Variants in STARD13 observed in about 807,000 individuals in gnomAD.
STARD13 encodes StAR related lipid transfer domain containing 13.
In STARD13, 62 loss-of-function variants were observed where a neutral mutation model predicts 106.4. The observed-to-expected ratio is 0.58, with a 90% confidence interval of 0.48 to 0.72. The LOEUF (loss-of-function observed/expected upper bound fraction) is 0.72, where lower values mean the gene tolerates loss of function less well. Ranked by LOEUF, STARD13 falls within the 30% of genes least tolerant of loss-of-function variation. STARD13 has a pLI of 0.00. For synonymous variants in STARD13, 565 were observed against 553.0 expected (o/e 1.02, Z -0.31); for missense variants, 1,387 against 1,424.0 (o/e 0.97, Z 0.42).
the STARD13 span, among the ~76,000 whole-genome samples, chr13:33,638,198 C>A: frequency 2.6e-5 from 4 of 152,116 alleles, no homozygotes; most frequent in Non-Finnish European, 5.9e-5. Flanking sequence ...CTCAGAAGAT[C>A]CTGAGGACAT....
chr13:33,241,575 C>G lies in STARD13; in HGVS notation c.169+43895G>C, dbSNP rs1176990361. Among the ~76,000 whole-genome samples, 3 of 138,496 alleles carry G rather than the reference C, an allele frequency of 2.2e-5. No individual in the cohort carries two copies. In the East Asian group the frequency reaches 7.4e-4, roughly 34 times the overall value. 90.9% of individuals were successfully genotyped at this position (138,496 alleles called of 152,430 possible). A position where few individuals can be genotyped will look rare whatever the true frequency, so the allele number is the denominator to read the frequency against. On this transcript the variant is annotated intron_variant, in intron 1 of 13. Transcript: ENST00000336934. ...CCTCCCCCTCTCCCCTTTGCACGGT[C>G]TCCCTCTGATGCCGAGCCGAGGCTG...
the STARD13 span, among the ~76,000 whole-genome samples, chr13:33,443,145 G>A: frequency 5.3e-5 from 8 of 152,016 alleles, 1 homozygote; most frequent in Non-Finnish European, 1.0e-4. Flanking sequence ...TTGGGAGGAC[G>A]AGGCGGGCGG....
At chr13:33,674,149 C>T in the STARD13 span, among the ~76,000 whole-genome samples, 46 of 152,284 alleles carry the variant, frequency 3.0e-4, no homozygotes, top group South Asian at 1.7e-3. Flanking sequence ...CGTGAGCCAC[C>T]GCACCAGGCC....
chr13:33,397,984 A>T, the STARD13 span, among the ~76,000 whole-genome samples: 1 of 152,228 alleles, frequency 6.6e-6, no homozygotes, highest in African/African-American at 2.4e-5. Flanking sequence ...GGGGATAAGG[A>T]TTTCAGCATT....
chr13:33,163,293 AT>A (rs2138346326), intron 3 of STARD13, among the ~76,000 whole-genome samples: 1 of 152,094 alleles, frequency 6.6e-6, no homozygotes, highest in South Asian at 2.1e-4. Flanking sequence ...CATATCAATA[AT>A]GTTATACCTC....
chr13:33,454,809 G>T, the STARD13 span, among the ~76,000 whole-genome samples: 2 of 152,184 alleles, frequency 1.3e-5, no homozygotes, highest in Non-Finnish European at 1.5e-5. Flanking sequence ...GATTAGAGGA[G>T]GCCAGTGTGG....
At chr13:33,648,689 G>C in the STARD13 span, among the ~76,000 whole-genome samples, 5 of 151,280 alleles carry the variant, frequency 3.3e-5, no homozygotes. Context: ...TAATTTAAAA[G>C]AGAAGTGGCT....
chr13:33,595,667 T>G, the STARD13 span, among the ~76,000 whole-genome samples: 44 of 152,196 alleles, frequency 2.9e-4, no homozygotes, highest in Non-Finnish European at 6.0e-4. Context: ...ACCTAAAGAA[T>G]GGATTCACTC....
intron 1 of STARD13, among the ~76,000 whole-genome samples, chr13:33,237,264 T>G (rs886360484): frequency 2.0e-5 from 3 of 152,204 alleles, no homozygotes; most frequent in African/African-American, 7.2e-5. Context: ...CTTCCTTAAC[T>G]AGGAAAAATA....
At chr13:33,112,971 A>G in intron 8 of STARD13, 40 bp from the exon 9 acceptor site, 5 of 1,513,728 alleles carry the variant, frequency 3.3e-6, no homozygotes, top group African/African-American at 1.4e-5. Context: ...AGGAGCAGAC[A>G]TAGAAAGAGC....
At chr13:33,382,089 A>G in the STARD13 span, among the ~76,000 whole-genome samples, 1 of 152,250 alleles carries the variant, frequency 6.6e-6, no homozygotes, top group African/African-American at 2.4e-5. Context: ...CTACGCTGCC[A>G]TCATAAACGA....
At chr13:33,460,489 TAA>T in the STARD13 span, among the ~76,000 whole-genome samples, 23 of 137,960 alleles carry the variant, frequency 1.7e-4, no homozygotes, top group Admixed American at 1.5e-4. Context: ...GACTCCATCT[TAA>T]AAAAAAAAAA....
intron 12 of STARD13, among the ~76,000 whole-genome samples, chr13:33,107,656 A>C (rs1873954697): frequency 6.6e-6 from 1 of 152,152 alleles, no homozygotes; most frequent in Non-Finnish European, 1.5e-5. Context: ...ATTTCTGTGC[A>C]GGAGAGAAGC....
At chr13:33,293,800 A>G (rs1365630509) in intron 1 of STARD13, among the ~76,000 whole-genome samples, 2 of 152,144 alleles carry the variant, frequency 1.3e-5, no homozygotes, top group African/African-American at 4.8e-5. Flanking sequence ...CCTGTGCTGG[A>G]TGTTTCCTGC....
At chr13:33,395,232 C>T in the STARD13 span, among the ~76,000 whole-genome samples, 1 of 152,042 alleles carries the variant, frequency 6.6e-6, no homozygotes, top group Non-Finnish European at 1.5e-5. Context: ...TTTAAAATCT[C>T]TATTAATTTT....
chr13:33,339,784 G>C (rs753913899), intron 1 of STARD13, among the ~76,000 whole-genome samples: 1 of 151,880 alleles, frequency 6.6e-6, no homozygotes, highest in Non-Finnish European at 1.5e-5. Flanking sequence ...TCTTTTCTTG[G>C]CACTAAAAGA....
Position 33,273,600 on chromosome 13 carries a change from T to G in STARD13, c.169+11870A>C, listed in dbSNP as rs545702508. Among the ~76,000 whole-genome samples, 19 of 152,348 alleles carry G rather than the reference T, an allele frequency of 1.2e-4. 1 individual carries two copies. In the South Asian group the frequency reaches 2.5e-3, roughly 20 times the overall value. On this transcript the variant is annotated intron_variant, in intron 1 of 13. Coordinates refer to ENST00000336934, the MANE Select transcript of STARD13 (RefSeq NM_178006.4). ...ATAGTGATCAGATTTGTAGGCAGTC[T>G]TTCATAGCTGAGGGATTCAACAAAT...
chr13:33,197,307 C>T (rs1360665943), intron 1 of STARD13, among the ~76,000 whole-genome samples: 1 of 152,104 alleles, frequency 6.6e-6, no homozygotes, highest in African/African-American at 2.4e-5. Context: ...ACCCTGTAAG[C>T]GTACTGGTTG....
chr13:33,285,118 G>A (rs1891991425), intron 1 of STARD13, among the ~76,000 whole-genome samples: 1 of 152,100 alleles, frequency 6.6e-6, no homozygotes, highest in Admixed American at 6.6e-5. Context: ...ATAAACAAGT[G>A]TCCACATTTT....
Sources: allele counts gnomAD v4.1 joint callset (sites outside exome capture counted in the v4.1 genomes callset), GRCh38; gene constraint gnomAD v4.1.1; transcripts MANE v1.5; gene names NCBI Gene and HGNC (gene_info 2026-07-23, HGNC 2026-07-21).